The following PLXNA2 variants were observed in gnomAD, a reference collection of about 807,000 sequenced individuals.
The protein encoded by PLXNA2 is plexin A2, also known as plexin-A2.
Under a neutral mutation model 193.5 loss-of-function variants are expected in PLXNA2, and 91 were observed. That is an observed-to-expected ratio of 0.47 (90% CI 0.40 to 0.56). The LOEUF is 0.56. Among genes scored for constraint, PLXNA2 ranks in the 20% least tolerant of loss-of-function variants. PLXNA2 has a pLI of 0.00. For missense variants in PLXNA2, 1,995 were observed against 2,503.2 expected (o/e 0.80, Z 4.33); for synonymous variants, 997 against 1,027.3 (o/e 0.97, Z 0.56).
rs547467488 is a variant in PLXNA2 at position 208,234,641 on chromosome 1, C to T, written c.-81+9002G>A. On this transcript the variant is annotated intron_variant, in intron 1 of 31. Transcript: ENST00000367033. ...CCAGCTTGGGCTCCTGGACTCCACT[C>T]CTGCTAACACACTCTGTGATGTGTC... Among the ~76,000 whole-genome samples, 19 of 152,344 alleles carry T rather than the reference C, an allele frequency of 1.2e-4. No homozygotes were observed. In the South Asian group the frequency reaches 2.5e-3, roughly 20 times the overall value.
intron 5 of PLXNA2, 108 bp from the exon 6 acceptor site, chr1:208,099,077 G>T: frequency 7.3e-7 from 1 of 1,375,034 alleles, no homozygotes; most frequent in South Asian, 1.4e-5. Context: ...CCTGTGTCCT[G>T]TCTTCTCAAG....
Position 208,044,985 on chromosome 1 carries a change from C to T in PLXNA2, c.3639+82G>A. On this transcript the variant is annotated intron_variant, in intron 19 of 31. Transcript: ENST00000367033. The surrounding 1 kb of genome is among the most constrained non-coding windows in gnomAD (Gnocchi z 4.9). ...GGAGGGGGTGAGTCAGGCAACGAGACAGAAGAGAGCCTTTCCTTAGGACAG... is the reference window on the plus strand; with the variant it reads ...GGAGGGGGTGAGTCAGGCAACGAGATAGAAGAGAGCCTTTCCTTAGGACAG... 6.5e-7 allele frequency: 1 copy of T among 1,536,904 alleles called. No individual in the cohort carries two copies. Among genetic ancestry groups the T allele is most frequent in the South Asian group, 1.2e-5 (1 of 86,920 alleles).
chr1:208,033,423 C>A lies in PLXNA2; in HGVS notation c.4951G>T (p.Val1651Leu), dbSNP rs146570184. ...TCATGGTTCTTCACCAGATGCCACA[C>A]CTTGACCCCACTTTCCAGGTCTGGG... ...ITPDLESGVK[V>L]WHLVKNHDHG... The change falls in exon 28 of 32, where the codon GTG becomes TTG. Residue 1651 changes from valine to leucine, a missense_variant. Val to Leu is a conservative substitution (Grantham distance 32, BLOSUM62 1). Transcript: ENST00000367033. 2 of 1,614,058 alleles carry A rather than the reference C, an allele frequency of 1.2e-6. No individual in the cohort carries two copies. Among genetic ancestry groups the A allele is most frequent in the African/African-American group, 1.3e-5 (1 of 74,922 alleles).
chr1:208,065,064 T>G (rs185373286), intron 12 of PLXNA2, among the ~76,000 whole-genome samples: 1 of 152,202 alleles, frequency 6.6e-6, no homozygotes, highest in African/African-American at 2.4e-5. Flanking sequence ...TGCAGGACTT[T>G]AAGCAAGTCC....
At chr1:208,056,931 A>G (rs887116826) in intron 13 of PLXNA2, among the ~76,000 whole-genome samples, 4 of 151,958 alleles carry the variant, frequency 2.6e-5, no homozygotes, top group Non-Finnish European at 5.9e-5. Context: ...AATCTCCTCA[A>G]CTCTTCTTCC....
rs752077297 is a variant in PLXNA2 at position 208,217,898 on chromosome 1, G to C, written c.25C>G (p.Arg9Gly). Residue 9 changes from arginine to glycine, a missense_variant, in exon 2 of 32, where the codon CGG (arginine) becomes GGG (glycine). This residue lies in a region of PLXNA2 where 702 missense variants were observed against 812.9 expected (regional missense o/e 0.86). Transcript: ENST00000367033. This position sits in a 1 kb window ranked among gnomAD's most constrained non-coding sequence, Gnocchi z 4.7. MEQRRPWPRALEVDSRSVV... is the reference protein window; with the variant it reads MEQRRPWPGALEVDSRSVV... Reference sequence around the variant, plus strand: ...GAGCGGCTGTCCACCTCCAGGGCCCGGGGCCAGGGCCGCCTCTGTTCCATG... The same window carrying C: ...GAGCGGCTGTCCACCTCCAGGGCCCCGGGCCAGGGCCGCCTCTGTTCCATG... The C allele has an allele frequency of 1.9e-6, 3 of 1,611,042 alleles. No homozygotes were observed. Among genetic ancestry groups the C allele is most frequent in the East Asian group, 4.5e-5 (2 of 44,866 alleles).
chr1:208,088,070 G>A (rs529224485), intron 9 of PLXNA2, among the ~76,000 whole-genome samples: 1 of 152,304 alleles, frequency 6.6e-6, no homozygotes, highest in East Asian at 1.9e-4. Flanking sequence ...ACAGCCTTCT[G>A]AGTGATCTCT....
chr1:208,029,079 C>T (rs778627536), intron 29 of PLXNA2, 37 bp from the exon 30 acceptor site: 17 of 1,610,432 alleles, frequency 1.1e-5, no homozygotes, highest in South Asian at 4.4e-5. Flanking sequence ...AGAATGCATG[C>T]GGGCCGTGCC....
At chr1:208,204,033 G>A (rs1464632382) in intron 3 of PLXNA2, among the ~76,000 whole-genome samples, 1 of 152,218 alleles carries the variant, frequency 6.6e-6, no homozygotes, top group Non-Finnish European at 1.5e-5. Context: ...GAATTGGGAC[G>A]TCAGGGCTTC....
intron 3 of PLXNA2, among the ~76,000 whole-genome samples, chr1:208,204,797 C>T (rs1270920469): frequency 2.0e-5 from 3 of 152,146 alleles, no homozygotes; most frequent in Non-Finnish European, 4.4e-5. Flanking sequence ...AACAGCTGCT[C>T]CCTTGCCAGA....
chr1:208,237,882 T>C (rs1011586197), intron 1 of PLXNA2, among the ~76,000 whole-genome samples: 1 of 152,220 alleles, frequency 6.6e-6, no homozygotes, highest in Non-Finnish European at 1.5e-5. Context: ...CTATTACTTT[T>C]TCATCCTTGT....
chr1:208,031,800 C>T (rs369707612), intron 28 of PLXNA2, 41 bp from the exon 29 acceptor site: 22 of 1,483,080 alleles, frequency 1.5e-5, no homozygotes, highest in African/African-American at 7.1e-5. Context: ...AGGGGGGTGA[C>T]GGCAGGTAGC....
At chr1:208,030,603 G>A (rs2102298536) in intron 29 of PLXNA2, 1 of 985,448 alleles carries the variant, frequency 1.0e-6, no homozygotes. Context: ...GAGGAGGAAG[G>A]AAGAGATGGG....
chr1:208,071,447 C>G (rs978893681), intron 12 of PLXNA2, among the ~76,000 whole-genome samples: 1 of 152,228 alleles, frequency 6.6e-6, no homozygotes, highest in African/African-American at 2.4e-5. Context: ...TCCCTCCTGG[C>G]TTCTAAAGAC....
At chr1:208,054,586 A>C (rs1305302381) in intron 13 of PLXNA2, 48 bp from the exon 14 acceptor site, 1 of 1,308,206 alleles carries the variant, frequency 7.6e-7, no homozygotes, top group South Asian at 1.2e-5. Flanking sequence ...AAGGGCTGGC[A>C]TCGCTGTTCA....
At chr1:208,089,357 CT>C (rs1666636788) in intron 9 of PLXNA2, among the ~76,000 whole-genome samples, 1 of 152,176 alleles carries the variant, frequency 6.6e-6, no homozygotes, top group Non-Finnish European at 1.5e-5. Flanking sequence ...CTCATGGGCC[CT>C]GATTTTCTGT....
At chr1:208,095,483 T>A (rs1237177257) in intron 8 of PLXNA2, among the ~76,000 whole-genome samples, 4 of 152,172 alleles carry the variant, frequency 2.6e-5, no homozygotes, top group African/African-American at 9.7e-5. Flanking sequence ...CTTGAAAATA[T>A]TGAAGGATGG....
chr1:208,070,338 G>A (rs1412592822), intron 12 of PLXNA2, among the ~76,000 whole-genome samples: 1 of 152,208 alleles, frequency 6.6e-6, no homozygotes, highest in African/African-American at 2.4e-5. Context: ...CTGGCTCCCT[G>A]AACTTCTCAG....
intron 12 of PLXNA2, among the ~76,000 whole-genome samples, chr1:208,071,232 A>G (rs1665966281): frequency 6.6e-6 from 1 of 152,226 alleles, no homozygotes; most frequent in Non-Finnish European, 1.5e-5. Flanking sequence ...CAGCATCCTC[A>G]GCGGATGTTC....
Sources: gnomAD v4.1 joint callset for allele counts (sites outside exome capture counted in the v4.1 genomes callset) on GRCh38, gnomAD v4.1.1 for gene constraint, gnomAD v4.1.1 regional missense constraint, Gnocchi (gnomAD v3.1) non-coding constraint, MANE v1.5 for transcripts, NCBI Gene and HGNC (gene_info 2026-07-23, HGNC 2026-07-21) for gene names.